Variants in PHKB observed in about 807,000 individuals in gnomAD.
The protein encoded by PHKB is phosphorylase b kinase regulatory subunit beta.
Under a neutral mutation model 152.1 loss-of-function variants are expected in PHKB, and 122 were observed. The observed-to-expected ratio is 0.80, with a 90% CI of 0.69 to 0.93. PHKB has a LOEUF of 0.93. Among genes scored for constraint, PHKB ranks in the 40% least tolerant of loss-of-function variants. The pLI, the probability that PHKB is intolerant of heterozygous loss-of-function variation, is 0.00. For synonymous variants in PHKB, 436 were observed against 464.9 expected, an observed-to-expected ratio of 0.94 and a Z score of 0.80; for missense variants, 1,304 against 1,328.4, an observed-to-expected ratio of 0.98 and a Z score of 0.29.
rs139258053 is a variant in PHKB at position 47,574,022 on chromosome 16, C to T, written c.711-6273C>T. ...GCAACCTCCACCTCCCGGGTCCAAG[C>T]GATTCTCCTGTCTCAGCCTCCTGAG... On this transcript the variant is annotated intron_variant, in intron 7 of 30. Transcript: ENST00000323584. Among the ~76,000 whole-genome samples the T allele has an allele frequency of 4.6e-3, 696 of 152,302 alleles. 6 individuals carry two copies. Among genetic ancestry groups the T allele is most frequent in the African/African-American group, 0.015 (639 of 41,574 alleles).
chr16:47,517,059 A>AGATC (rs1373754324), intron 6 of PHKB, among the ~76,000 whole-genome samples: 1 of 152,138 alleles, frequency 6.6e-6, no homozygotes, highest in Non-Finnish European at 1.5e-5. Context: ...TATATAAAAC[A>AGATC]AATAAAAGAA....
intron 14 of PHKB, among the ~76,000 whole-genome samples, chr16:47,628,486 C>T (rs1185215006): frequency 5.3e-5 from 8 of 152,050 alleles, no homozygotes; most frequent in Non-Finnish European, 8.8e-5. Flanking sequence ...GAGCCTAGAT[C>T]GCTCCACTGC....
At chr16:47,516,026 C>G (rs373223213) in intron 6 of PHKB, among the ~76,000 whole-genome samples, 1 of 151,282 alleles carries the variant, frequency 6.6e-6, no homozygotes, top group African/African-American at 2.4e-5. Context: ...CTCCCAGGTT[C>G]AAGCGATTCC....
chr16:47,633,067 T>C (rs886227371), intron 14 of PHKB, among the ~76,000 whole-genome samples: 6 of 152,170 alleles, frequency 3.9e-5, no homozygotes, highest in African/African-American at 1.4e-4. Flanking sequence ...AATGAAAAAA[T>C]CTTAGAAAAA....
At chr16:47,502,354 T>C (rs1314346983) in intron 3 of PHKB, among the ~76,000 whole-genome samples, 3 of 152,184 alleles carry the variant, frequency 2.0e-5, no homozygotes, top group African/African-American at 7.2e-5. Flanking sequence ...TTAAACTAAA[T>C]AGTTAGATTT....
Position 47,596,398 on chromosome 16 carries a change from T to C in PHKB, c.1230T>C (p.Tyr410=). 1 of 1,609,368 alleles carries C rather than the reference T, an allele frequency of 6.2e-7. No homozygotes were observed. The highest frequency in any genetic ancestry group is 1.7e-5 in the Admixed American group (1 of 60,002). The part of the protein sequence containing the change: ...TEGYPVVPKY[Y]YVPADFVEYE... ...GATATCCTGTTGTACCAAAGTACTA[T>C]TATGTGCCAGCTGACTTTGTAGAAT... is the stretch of plus-strand genomic sequence containing the variant. The change falls in exon 13 of 31, where the codon TAT becomes TAC. Residue 410 remains tyrosine (Y), a synonymous_variant. Coordinates refer to ENST00000323584, the MANE Select transcript of PHKB (RefSeq NM_000293.3).
intron 4 of PHKB, among the ~76,000 whole-genome samples, chr16:47,507,674 C>CT (rs1970444203): frequency 1.3e-5 from 2 of 152,148 alleles, no homozygotes; most frequent in African/African-American, 4.8e-5. Flanking sequence ...AGCTATCTTA[C>CT]ATTCTTTAAA....
chr16:47,674,859 G>A (rs181003046), intron 26 of PHKB, among the ~76,000 whole-genome samples: 3 of 152,216 alleles, frequency 2.0e-5, no homozygotes, highest in African/African-American at 4.8e-5. Flanking sequence ...ACTCCTCTAC[G>A]GAAAATCTTC....
intron 9 of PHKB, among the ~76,000 whole-genome samples, chr16:47,588,671 T>C (rs1971975551): frequency 6.6e-6 from 1 of 152,248 alleles, no homozygotes. Flanking sequence ...TTTTAATTAA[T>C]ATTTTGACAT....
chr16:47,628,572 G>T (rs1036526728), intron 14 of PHKB, among the ~76,000 whole-genome samples: 1 of 152,018 alleles, frequency 6.6e-6, no homozygotes, highest in African/African-American at 2.4e-5. Flanking sequence ...TTAGACTAGG[G>T]CTCAATACAA....
At chr16:47,578,465 C>A (rs982044334) in intron 7 of PHKB, among the ~76,000 whole-genome samples, 2 of 152,040 alleles carry the variant, frequency 1.3e-5, no homozygotes, top group African/African-American at 4.8e-5. Context: ...TTTTCTTATA[C>A]CACTCTGGTA....
intron 7 of PHKB, among the ~76,000 whole-genome samples, chr16:47,571,487 C>T (rs777823243): frequency 2.0e-5 from 3 of 152,120 alleles, no homozygotes; most frequent in Non-Finnish European, 4.4e-5. Flanking sequence ...CCCCCTCATC[C>T]CTATATTCTG....
intron 14 of PHKB, among the ~76,000 whole-genome samples, chr16:47,625,012 C>T (rs970327234): frequency 5.9e-5 from 9 of 152,280 alleles, no homozygotes; most frequent in African/African-American, 1.7e-4. Context: ...ATCTTTGATT[C>T]CTGTCTGCCT....
At chr16:47,649,293 C>A in intron 18 of PHKB, 89 bp downstream of exon 18, 1 of 795,834 alleles carries the variant, frequency 1.3e-6, no homozygotes, top group Non-Finnish European at 2.3e-6. Context: ...TCCCAGGTAT[C>A]TGTGACACTG....
intron 14 of PHKB, among the ~76,000 whole-genome samples, chr16:47,611,158 GT>G (rs1972421206): frequency 6.6e-6 from 1 of 152,166 alleles, no homozygotes; most frequent in Non-Finnish European, 1.5e-5. Flanking sequence ...AGAATGTTGA[GT>G]TTAAGGTGTC....
At chr16:47,559,384 A>T (rs1971437401) in intron 7 of PHKB, among the ~76,000 whole-genome samples, 1 of 152,208 alleles carries the variant, frequency 6.6e-6, no homozygotes, top group Non-Finnish European at 1.5e-5. Flanking sequence ...TATTGTTGCA[A>T]ATAAACCCAA....
rs556915426 is a variant in PHKB, at chr16:47,630,230, G to A, written c.1459-10805G>A. Reference sequence around the variant, plus strand: ...CAAAAAGCAGATAAGGCCTGTAATCGTAGCACTTTGGGAGGCCGAGGTGGG... The same window carrying A: ...CAAAAAGCAGATAAGGCCTGTAATCATAGCACTTTGGGAGGCCGAGGTGGG... On this transcript the variant is annotated intron_variant, in intron 14 of 30. Transcript: ENST00000323584. 7.9e-5 allele frequency among the ~76,000 whole-genome samples: 12 copies of A among 152,076 alleles called. No homozygotes were observed. In the South Asian group the frequency reaches 2.1e-3, roughly 26 times the overall value.
intron 1 of PHKB, among the ~76,000 whole-genome samples, chr16:47,467,506 G>A (rs1487931456): frequency 6.6e-6 from 1 of 152,108 alleles, no homozygotes; most frequent in Non-Finnish European, 1.5e-5. Context: ...AGATATTTTT[G>A]TCTCAGATAT....
chr16:47,633,123 C>T (rs1019032808), intron 14 of PHKB, among the ~76,000 whole-genome samples: 1 of 152,148 alleles, frequency 6.6e-6, no homozygotes, highest in Non-Finnish European at 1.5e-5. Flanking sequence ...GAGAATATTT[C>T]TAACTACAGG....
Sources: gnomAD v4.1 joint callset for allele counts (sites outside exome capture counted in the v4.1 genomes callset) on GRCh38, gnomAD v4.1.1 for gene constraint, MANE v1.5 for transcripts, NCBI Gene and HGNC (gene_info 2026-07-23, HGNC 2026-07-21) for gene names.